The following GNA14 variants were observed in gnomAD, a reference collection of about 807,000 sequenced individuals.
GNA14 encodes the protein guanine nucleotide-binding protein subunit alpha-14.
GNA14 carries 50 observed loss-of-function variants against 42.0 expected under a neutral mutation model. The ratio of observed to expected loss-of-function variants is 1.19; its 90% CI spans 0.95 to 1.51. The LOEUF (loss-of-function observed/expected upper bound fraction) is 1.51, where lower values mean the gene tolerates loss of function less well. Among genes scored for constraint, GNA14 ranks in the 40% most tolerant of loss-of-function variants. The pLI is 0.00. For missense variants in GNA14, 473 were observed against 446.2 expected, an observed-to-expected ratio of 1.06 and a Z score of -0.54; for synonymous variants, 173 against 163.1, an observed-to-expected ratio of 1.06 and a Z score of -0.46.
chr9:77,483,200 CT>C (rs1457799380), intron 2 of GNA14, among the ~76,000 whole-genome samples: 1 of 152,126 alleles, frequency 6.6e-6, no homozygotes, highest in Non-Finnish European at 1.5e-5. Context: ...TACTTTTGGT[CT>C]TTGATGATGG....
At chr9:77,426,065 G>C (rs1238595172) in intron 5 of GNA14, among the ~76,000 whole-genome samples, 3 of 152,150 alleles carry the variant, frequency 2.0e-5, no homozygotes, top group African/African-American at 7.2e-5. Flanking sequence ...GTGATCGTTG[G>C]GATTACTAAG....
chr9:77,463,818 AT>A (rs1464701037), intron 2 of GNA14, among the ~76,000 whole-genome samples: 2 of 152,180 alleles, frequency 1.3e-5, no homozygotes, highest in Admixed American at 6.5e-5. Context: ...AACCAGGCTG[AT>A]GGCTGAAATT....
intron 1 of GNA14, among the ~76,000 whole-genome samples, chr9:77,554,956 G>C (rs1406365129): frequency 6.6e-6 from 1 of 152,206 alleles, no homozygotes; most frequent in East Asian, 1.9e-4. Context: ...GTGGATGTGT[G>C]AGGAAACAGA....
At chr9:77,475,750 GTCTC>G (rs1836408608) in intron 2 of GNA14, among the ~76,000 whole-genome samples, 2 of 152,292 alleles carry the variant, frequency 1.3e-5, no homozygotes, top group Non-Finnish European at 2.9e-5. Context: ...GCATTCTTGG[GTCTC>G]TGCACAAACC....
At chr9:77,615,475 C>T (rs534710016) in intron 1 of GNA14, among the ~76,000 whole-genome samples, 2 of 152,114 alleles carry the variant, frequency 1.3e-5, no homozygotes, top group Admixed American at 6.6e-5. Flanking sequence ...CAGGAGACAG[C>T]ACTTTCTGCT....
intron 1 of GNA14, among the ~76,000 whole-genome samples, chr9:77,552,939 A>C (rs781559958): frequency 6.6e-6 from 1 of 152,212 alleles, no homozygotes; most frequent in Non-Finnish European, 1.5e-5. Context: ...AAAAGTGAAC[A>C]TAACTCAATG....
At position 77,529,119 on chromosome 9, in the gene GNA14, T is replaced by C. The variant is rs749421916; in HGVS notation, c.259A>G (p.Ile87Val). ...ATCCTTAGCGTGTCCATCGCTCTGA[T>C]CATGGCTTGCATGGCGGTGAATATG... ...QNIFTAMQAM[I>V]RAMDTLRIQY... is the part of the protein sequence containing the mutation. The change falls in exon 2 of 7, where the codon ATC (isoleucine) becomes GTC (valine). Residue 87 changes from isoleucine to valine, a missense_variant. Transcript: ENST00000341700. 1 of 1,614,216 alleles carries C rather than the reference T, an allele frequency of 6.2e-7. No homozygotes were observed. Among genetic ancestry groups the C allele is most frequent in the Admixed American group, 1.7e-5 (1 of 60,030 alleles).
intron 1 of GNA14, among the ~76,000 whole-genome samples, chr9:77,534,974 C>T (rs553972116): frequency 8.7e-4 from 133 of 152,342 alleles, no homozygotes; most frequent in Non-Finnish European, 1.6e-3. Flanking sequence ...CTGATGAAGA[C>T]ACTTGAGGCC....
intron 1 of GNA14, among the ~76,000 whole-genome samples, chr9:77,632,219 A>T (rs549392513): frequency 6.6e-6 from 1 of 152,160 alleles, no homozygotes; most frequent in South Asian, 2.1e-4. Flanking sequence ...CAAGGGGGGC[A>T]CTGAGGGAAG....
intron 1 of GNA14, among the ~76,000 whole-genome samples, chr9:77,542,385 A>G (rs1437606126): frequency 1.3e-5 from 2 of 152,192 alleles, no homozygotes; most frequent in Non-Finnish European, 2.9e-5. Flanking sequence ...ACTGGGGACT[A>G]AGATGCCAGA....
intron 2 of GNA14, among the ~76,000 whole-genome samples, chr9:77,503,073 C>T (rs1001100669): frequency 2.0e-5 from 3 of 152,192 alleles, no homozygotes; most frequent in Non-Finnish European, 2.9e-5. Flanking sequence ...GCTCATCTTC[C>T]TTATTCTTTC....
intron 1 of GNA14, among the ~76,000 whole-genome samples, chr9:77,628,734 A>G (rs774456147): frequency 5.3e-5 from 8 of 152,212 alleles, no homozygotes; most frequent in Admixed American, 1.3e-4. Flanking sequence ...CACAAAAATT[A>G]ACTCAAGATG....
At chr9:77,635,606 A>G (rs1824172093) in intron 1 of GNA14, among the ~76,000 whole-genome samples, 1 of 152,248 alleles carries the variant, frequency 6.6e-6, no homozygotes. Context: ...CCTTGAGTCC[A>G]AGGCTTATGT....
chr9:77,572,400 T>C (rs1823074083), intron 1 of GNA14, among the ~76,000 whole-genome samples: 1 of 152,200 alleles, frequency 6.6e-6, no homozygotes, highest in South Asian at 2.1e-4. Context: ...CCTTTAGACA[T>C]TTCTTTTTTC....
intron 1 of GNA14, among the ~76,000 whole-genome samples, chr9:77,589,309 G>C (rs75685686): frequency 6.6e-6 from 1 of 152,170 alleles, no homozygotes; most frequent in Non-Finnish European, 1.5e-5. Flanking sequence ...GACTTTCTGC[G>C]TCAACCAAAC....
At chr9:77,606,514 A>G (rs1823647965) in intron 1 of GNA14, among the ~76,000 whole-genome samples, 1 of 152,198 alleles carries the variant, frequency 6.6e-6, no homozygotes, top group South Asian at 2.1e-4. Context: ...CATTATCACT[A>G]AAAGAAGTAA....
intron 1 of GNA14, among the ~76,000 whole-genome samples, chr9:77,567,125 T>C (rs1440009134): frequency 6.6e-6 from 1 of 152,148 alleles, no homozygotes; most frequent in Non-Finnish European, 1.5e-5. Context: ...TAGAAATACA[T>C]TATATATCTA....
At chr9:77,615,849 GTTTT>G (rs1353714886) in intron 1 of GNA14, among the ~76,000 whole-genome samples, 42 of 136,956 alleles carry the variant, frequency 3.1e-4, no homozygotes, top group Non-Finnish European at 3.1e-4. Context: ...TTTGGTTTTT[GTTTT>G]TTTGTTTTTT....
chr9:77,638,610 C>CA (rs1412570097), intron 1 of GNA14, among the ~76,000 whole-genome samples: 2 of 152,176 alleles, frequency 1.3e-5, no homozygotes, highest in Non-Finnish European at 2.9e-5. Flanking sequence ...TTCAGCCCAG[C>CA]AAACCAGTGG....
Sources: gnomAD v4.1 joint callset for allele counts (sites outside exome capture counted in the v4.1 genomes callset) on GRCh38, gnomAD v4.1.1 for gene constraint, MANE v1.5 for transcripts, NCBI Gene and HGNC (gene_info 2026-07-23, HGNC 2026-07-21) for gene names.